C20orf96: variants seen among roughly 807,000 people sequenced by gnomAD.
The protein encoded by C20orf96 is chromosome 20 open reading frame 96.
In C20orf96, 57 loss-of-function variants were observed where a neutral mutation model predicts 52.6. The observed-to-expected ratio is 1.08, with a 90% CI of 0.88 to 1.35. The LOEUF (loss-of-function observed/expected upper bound fraction) is 1.35, where lower values mean the gene tolerates loss of function less well. C20orf96 is among the 40% of genes most tolerant of loss of function. The pLI, the probability that C20orf96 is intolerant of heterozygous loss-of-function variation, is 0.00. For synonymous variants in C20orf96, 168 were observed against 157.2 expected, an observed-to-expected ratio of 1.07 and a Z score of -0.51; for missense variants, 478 against 443.6, an observed-to-expected ratio of 1.08 and a Z score of -0.70.
At chr20:284,136 G>T in intron 3 of C20orf96, 55 bp from the exon 4 acceptor site, 1 of 1,401,202 alleles carries the variant, frequency 7.1e-7, no homozygotes, top group Non-Finnish European at 1.0e-6. Flanking sequence ...AAGGCCTGAG[G>T]CCAGGTTCCC....
intron 8 of C20orf96, 73 bp from the exon 9 acceptor site, chr20:276,952 G>C (rs2012045439): frequency 6.2e-7 from 1 of 1,600,018 alleles, no homozygotes; most frequent in African/African-American, 1.3e-5. Flanking sequence ...GACCGATGGG[G>C]CTGCAGTGGG....
rs1351420953 is a variant in C20orf96 at position 277,098 on chromosome 20, G to T, written c.771C>A (p.Ser257=). ...TCTTCTTCTGAATCTTGTCAGACAAGGATTCCAGGACCTTTCTGCGCATCT... is the reference window on the plus strand; with the variant it reads ...TCTTCTTCTGAATCTTGTCAGACAATGATTCCAGGACCTTTCTGCGCATCT... ...LGEMRRKVLE[S]LSDKIQKKKK... Residue 257 remains serine (S), a synonymous_variant, in exon 8 of 11, where the codon TCC becomes TCA. Transcript: ENST00000360321. The T allele has an allele frequency of 1.9e-6, 3 of 1,613,812 alleles. No homozygotes were observed. The highest frequency in any genetic ancestry group is 1.7e-5 in the Admixed American group (1 of 59,978).
Position 279,160 on chromosome 20 carries a change from C to T in C20orf96, c.465+12G>A. The stretch of plus-strand genomic sequence containing the variant: ...GGAGGGACGGAGGGCGGGCGGATGC[C>T]GCGGGTCTCACCGCCAGGGTGTCCT... On this transcript the variant is annotated intron_variant, in intron 5 of 10. Transcript: ENST00000360321. 8 of 1,562,748 alleles carry T rather than the reference C, an allele frequency of 5.1e-6. No homozygotes were observed. Among genetic ancestry groups the T allele is most frequent in the Non-Finnish European group, 6.9e-6 (8 of 1,162,610 alleles).
At position 284,062 on chromosome 20, in the gene C20orf96, A is replaced by G. The variant is rs2012320320; in HGVS notation, c.207T>C (p.Thr69=). Residue 69 remains threonine, a synonymous_variant, in exon 4 of 11, where the codon ACT becomes ACC. Coordinates refer to ENST00000360321, the MANE Select transcript of C20orf96 (RefSeq NM_153269.3). ...TCGGCTGGCAGCTTGTCACCACCGT[A>G]GTGGGCTTGAAGTGAAACACTAGGG... The part of the protein sequence containing the change: ...RVQPVFHFKP[T]TVVTSCQPKN... The G allele has an allele frequency of 6.2e-7, 1 of 1,614,062 alleles. No individual in the cohort carries two copies. Among genetic ancestry groups the G allele is most frequent in the Non-Finnish European group, 8.5e-7 (1 of 1,179,958 alleles).
At chr20:276,296 G>A (rs1600184539) in intron 9 of C20orf96, 1 of 985,436 alleles carries the variant, frequency 1.0e-6, no homozygotes, top group Non-Finnish European at 1.2e-6. Flanking sequence ...GCTGAAACAG[G>A]TGAGGGATCA....
intron 4 of C20orf96, among the ~76,000 whole-genome samples, chr20:279,828 AGC>A (rs1214027695): frequency 5.9e-5 from 9 of 152,068 alleles, no homozygotes; most frequent in African/African-American, 2.2e-4. Flanking sequence ...AAATTAGCCG[AGC>A]GTGGTGGCGC....
intron 10 of C20orf96, among the ~76,000 whole-genome samples, chr20:272,809 T>C (rs991308849): frequency 3.3e-5 from 5 of 152,204 alleles, no homozygotes; most frequent in Admixed American, 2.0e-4. Context: ...TCCCAAGTCA[T>C]GCAAGTCCTT....
chr20:282,370 T>G (rs7268073), intron 4 of C20orf96, among the ~76,000 whole-genome samples: 11,116 of 152,258 alleles, frequency 0.073, 604 homozygotes, highest in African/African-American at 0.16. Flanking sequence ...AGAGGTCACA[T>G]TACTGGTGAA....
intron 3 of C20orf96, 95 bp from the exon 4 acceptor site, chr20:284,176 A>G: frequency 1.2e-6 from 1 of 854,956 alleles, no homozygotes; most frequent in African/African-American, 1.7e-5. Context: ...GAGGAGGGCC[A>G]GACCCCAGCT....
intron 10 of C20orf96, among the ~76,000 whole-genome samples, chr20:272,606 T>G (rs1045803421): frequency 6.6e-6 from 1 of 152,160 alleles, no homozygotes; most frequent in Admixed American, 6.5e-5. Flanking sequence ...TCCTTCTTCC[T>G]CATCCTCCTA....
At chr20:278,246 T>G in intron 6 of C20orf96, 84 bp downstream of exon 6, 1 of 984,614 alleles carries the variant, frequency 1.0e-6, no homozygotes. Context: ...GGTTTCTGAA[T>G]GGCAAGTACA....
intron 3 of C20orf96, among the ~76,000 whole-genome samples, chr20:287,032 G>A (rs576517462): frequency 1.7e-4 from 26 of 152,306 alleles, no homozygotes; most frequent in African/African-American, 6.3e-4. Context: ...CCACGGTGGG[G>A]ATACACCATA....
intron 8 of C20orf96, 75 bp from the exon 9 acceptor site, chr20:276,954 T>C (rs2122247475): frequency 6.2e-7 from 1 of 1,601,146 alleles, no homozygotes; most frequent in Non-Finnish European, 8.5e-7. Context: ...CCGATGGGGC[T>C]GCAGTGGGCC....
At chr20:277,431 C>T (rs777221075) in intron 6 of C20orf96, 48 bp from the exon 7 acceptor site, 11 of 1,601,366 alleles carry the variant, frequency 6.9e-6, no homozygotes, top group Admixed American at 5.1e-5. Flanking sequence ...CAAGACCTTC[C>T]CTCAAGCACC....
chr20:289,406 G>A (rs2012477896), intron 3 of C20orf96, among the ~76,000 whole-genome samples, 153 bp downstream of exon 3: 1 of 152,144 alleles, frequency 6.6e-6, no homozygotes, highest in African/African-American at 2.4e-5. Context: ...TGGCATAAAT[G>A]AGATATAAAC....
At position 279,277 on chromosome 20, in the gene C20orf96, G is replaced by T; in HGVS notation, c.360C>A (p.Asn120Lys). Residue 120 changes from asparagine (N) to lysine (K), a missense_variant, in exon 5 of 11, where the codon AAC becomes AAA. Asn to Lys is a moderately conservative substitution (Grantham distance 94, BLOSUM62 0). Transcript: ENST00000360321. ...GCTCCCGGTTGAGCTTGCTGAGGAA[G>T]TTCTCACGGCTTCGGAGCTCTCGCA... ...AALRELRSRE[N>K]FLSKLNRELI... is the part of the protein sequence containing the mutation. 1 of 1,610,586 alleles carries T rather than the reference G, an allele frequency of 6.2e-7. No individual in the cohort carries two copies.
In C20orf96 at chr20:290,243, GT is replaced by G. The variant is rs1194164457; in HGVS notation, c.69+15del. 1 of 1,605,194 alleles carries G rather than the reference GT, an allele frequency of 6.2e-7. No homozygotes were observed. The highest frequency in any genetic ancestry group is 2.2e-5 in the East Asian group (1 of 44,852). ...CAGCGAGCCTCCCACCCCAGCCCTAGTCCCCCAAGACTCACCGGAACCTGGA... is the reference window on the plus strand; with the variant it reads ...CAGCGAGCCTCCCACCCCAGCCCTAGCCCCCAAGACTCACCGGAACCTGGA... On this transcript the variant is annotated intron_variant, in intron 2 of 10. Transcript: ENST00000360321.
Position 277,092 on chromosome 20 carries a change from A to C in C20orf96, c.777T>G (p.Ser259=). 6.2e-7 allele frequency: 1 copy of C among 1,613,820 alleles called. No individual in the cohort carries two copies. The highest frequency in any genetic ancestry group is 1.1e-5 in the South Asian group (1 of 91,072). ...TTTTCTTCTTCTTCTGAATCTTGTC[A>C]GACAAGGATTCCAGGACCTTTCTGC... The part of the protein sequence containing the change: ...EMRRKVLESL[S]DKIQKKKKKI... Residue 259 remains serine (S), a synonymous_variant, in exon 8 of 11, where the codon TCT becomes TCG. Transcript: ENST00000360321.
In C20orf96 at chr20:278,392, CTCT is replaced by C. The variant is rs1568490764; in HGVS notation, c.500_502del (p.Lys167del). The C allele has an allele frequency of 6.2e-7, 1 of 1,613,988 alleles. No individual in the cohort carries two copies. Among genetic ancestry groups the C allele is most frequent in the African/African-American group, 1.3e-5 (1 of 75,026 alleles). The stretch of plus-strand genomic sequence containing the variant: ...AAGCTCAGATTTCAATTGCTGCAGC[CTCT>C]TCTTGTTTGAGTACTCCAAGATGTC... On this transcript the variant is annotated inframe_deletion, in exon 6 of 11. Coordinates refer to ENST00000360321, the MANE Select transcript of C20orf96 (RefSeq NM_153269.3).
Sources: gnomAD v4.1 joint callset for allele counts (sites outside exome capture counted in the v4.1 genomes callset) on GRCh38, gnomAD v4.1.1 for gene constraint, MANE v1.5 for transcripts, NCBI Gene and HGNC (gene_info 2026-07-23, HGNC 2026-07-21) for gene names.